CAMTA1: variants seen among roughly 807,000 people sequenced by gnomAD.
CAMTA1 encodes the protein calmodulin binding transcription activator 1.
In CAMTA1, 27 loss-of-function variants were observed where a neutral mutation model predicts 170.9. That is an observed-to-expected ratio of 0.16 (90% CI 0.12 to 0.22). The LOEUF is 0.22. Ranked by LOEUF, CAMTA1 falls within the 10% of genes least tolerant of loss-of-function variation. The probability of loss-of-function intolerance (pLI) is 1.00; values close to 1 mark genes in which losing one functional copy is unlikely to be tolerated. For synonymous variants in CAMTA1, 833 were observed against 891.5 expected, an observed-to-expected ratio of 0.93 and a Z score of 1.17; for missense variants, 1,619 against 2,217.2, an observed-to-expected ratio of 0.73 and a Z score of 5.42.
Position 7,736,459 on chromosome 1 carries a change from A to G in CAMTA1, c.3182A>G (p.Lys1061Arg). ...WAKSKHLIHS[K>R]TFRGMTLLHL... Reference sequence around the variant, plus strand: ...AAGTCCAAGCACTTGATCCACTCAAAGACTTTCCGCGGAATGACCCTACTC... The same window carrying G: ...AAGTCCAAGCACTTGATCCACTCAAGGACTTTCCGCGGAATGACCCTACTC... Residue 1061 changes from lysine to arginine, a missense_variant, in exon 13 of 23, where the codon AAG becomes AGG. Coordinates refer to ENST00000303635, the MANE Select transcript of CAMTA1 (RefSeq NM_015215.4). This position sits in a 1 kb window ranked among gnomAD's most constrained non-coding sequence, Gnocchi z 4.5. 6.2e-7 allele frequency: 1 copy of G among 1,614,118 alleles called. No homozygotes were observed. Among genetic ancestry groups the G allele is most frequent in the African/African-American group, 1.3e-5 (1 of 75,020 alleles).
intron 3 of CAMTA1, among the ~76,000 whole-genome samples, chr1:7,066,176 T>C (rs1303022160): frequency 6.6e-6 from 1 of 152,220 alleles, no homozygotes; most frequent in Non-Finnish European, 1.5e-5. Context: ...CCTTTGATGC[T>C]CTACAAATCG....
chr1:6,981,002 CAGAATTCAGAACT>C (rs1166045300), intron 3 of CAMTA1, among the ~76,000 whole-genome samples: 1 of 151,980 alleles, frequency 6.6e-6, no homozygotes, highest in East Asian at 1.9e-4. Flanking sequence ...AGTTCTGTTA[CAGAATTCAGAACT>C]CTCTGGATTC....
Position 7,680,478 on chromosome 1 carries a change from C to A in CAMTA1, c.2914+2745C>A, listed in dbSNP as rs2096181092. On this transcript the variant is annotated intron_variant, in intron 11 of 22. Transcript: ENST00000303635. This position sits in a 1 kb window ranked among gnomAD's most constrained non-coding sequence, Gnocchi z 4.4. ...CTCTCCCACGCGCGCGCCCTCCCGC[C>A]GACGCGCAGCCGCAATGCGGGGCCC... Among the ~76,000 whole-genome samples the A allele has an allele frequency of 6.6e-6, 1 of 151,064 alleles. No homozygotes were observed. The highest frequency in any genetic ancestry group is 2.4e-5 in the African/African-American group (1 of 41,108).
intron 3 of CAMTA1, among the ~76,000 whole-genome samples, chr1:6,884,291 G>GACACACACAC (rs112571156): frequency 0.014 from 1,868 of 136,614 alleles, 20 homozygotes; most frequent in Admixed American, 0.022. Flanking sequence ...ATTCTCTAGA[G>GACACACACAC]ACACACACAC....
chr1:7,626,916 C>T (rs765715526), intron 6 of CAMTA1, among the ~76,000 whole-genome samples: 1 of 152,154 alleles, frequency 6.6e-6, no homozygotes, highest in Non-Finnish European at 1.5e-5. Context: ...AATTAAAATA[C>T]ATAAAGCATC....
At chr1:7,313,331 C>A (rs893632679) in intron 5 of CAMTA1, among the ~76,000 whole-genome samples, 1 of 152,200 alleles carries the variant, frequency 6.6e-6, no homozygotes, top group Non-Finnish European at 1.5e-5. Context: ...TGAGTCCTGG[C>A]GGTACTCTGC....
intron 4 of CAMTA1, among the ~76,000 whole-genome samples, chr1:7,121,960 G>A (rs1455968750): frequency 6.6e-6 from 1 of 151,920 alleles, no homozygotes; most frequent in Admixed American, 6.6e-5. Context: ...TCTCCTTGGG[G>A]CTCCTATGGC....
chr1:7,410,897 CTGTGTGTGTGTG>C (rs35763888), intron 5 of CAMTA1, among the ~76,000 whole-genome samples: 3 of 141,420 alleles, frequency 2.1e-5, no homozygotes, highest in African/African-American at 5.0e-5. Context: ...GGGTGGGCGT[CTGTGTGTGTGTG>C]TGTGTGTGTG....
Position 6,887,986 on chromosome 1 carries a change from C to T in CAMTA1, c.234+62776C>T. On this transcript the variant is annotated intron_variant, in intron 3 of 22. Transcript: ENST00000303635. This position sits in a 1 kb window ranked among gnomAD's most constrained non-coding sequence, Gnocchi z 4.1. ...CACACGCCTCCTGGTCCAGAGGCCT[C>T]CGTGACCATCCATGATGCCACTCTG... 8.5e-7 allele frequency: 1 copy of T among 1,179,766 alleles called. No homozygotes were observed. 73.1% of individuals were successfully genotyped at this position (1,179,766 alleles called of 1,614,324 possible).
intron 4 of CAMTA1, among the ~76,000 whole-genome samples, chr1:7,228,876 G>A (rs961592028): frequency 6.6e-6 from 1 of 152,158 alleles, no homozygotes; most frequent in African/African-American, 2.4e-5. Context: ...TGACACCAAG[G>A]CCTTAGGGCA....
chr1:7,631,202 C>G, intron 6 of CAMTA1, among the ~76,000 whole-genome samples: 1 of 152,198 alleles, frequency 6.6e-6, no homozygotes, highest in Non-Finnish European at 1.5e-5. Flanking sequence ...ATCCTTGGTC[C>G]TCCCAGCTCC....
At chr1:6,832,035 T>TA (rs1650441763) in intron 3 of CAMTA1, among the ~76,000 whole-genome samples, 1 of 151,922 alleles carries the variant, frequency 6.6e-6, no homozygotes, top group Non-Finnish European at 1.5e-5. Context: ...TAAGAATTAT[T>TA]AAATAATAAT....
At chr1:7,130,167 G>T (rs1356665116) in intron 4 of CAMTA1, among the ~76,000 whole-genome samples, 2 of 152,134 alleles carry the variant, frequency 1.3e-5, no homozygotes, top group African/African-American at 4.8e-5. Flanking sequence ...TTGAACTCCT[G>T]ACATCAAGTG....
At chr1:6,908,424 G>A (rs1177843274) in intron 3 of CAMTA1, among the ~76,000 whole-genome samples, 2 of 152,222 alleles carry the variant, frequency 1.3e-5, no homozygotes, top group African/African-American at 4.8e-5. Flanking sequence ...TGTGAAGCCA[G>A]AATATTCAAG....
At chr1:6,950,807 C>T (rs754723145) in intron 3 of CAMTA1, among the ~76,000 whole-genome samples, 5 of 151,862 alleles carry the variant, frequency 3.3e-5, no homozygotes, top group Non-Finnish European at 7.4e-5. Context: ...CATTAATGAC[C>T]GACAACTACC....
intron 4 of CAMTA1, among the ~76,000 whole-genome samples, chr1:7,153,984 A>G (rs12085411): frequency 0.36 from 55,098 of 152,092 alleles, 10,114 homozygotes; most frequent in African/African-American, 0.4. Context: ...GGGCACAGCC[A>G]TCTCCCTTTG....
At chr1:6,926,482 TTCTTTC>T (rs1349384253) in intron 3 of CAMTA1, among the ~76,000 whole-genome samples, 123 of 129,208 alleles carry the variant, frequency 9.5e-4, no homozygotes, top group Middle Eastern at 8.7e-3. Context: ...CTTTCTTTCT[TTCTTTC>T]TCTCTCTCTT....
intron 6 of CAMTA1, among the ~76,000 whole-genome samples, chr1:7,637,801 G>T (rs1039972347): frequency 1.3e-5 from 2 of 152,104 alleles, no homozygotes; most frequent in African/African-American, 4.8e-5. Context: ...GCCCTACCCT[G>T]CCCAGCCCGC....
chr1:7,252,422 C>T (rs1473183862), intron 5 of CAMTA1, among the ~76,000 whole-genome samples: 2 of 152,250 alleles, frequency 1.3e-5, no homozygotes, highest in Non-Finnish European at 2.9e-5. Flanking sequence ...AAGGCCTTTT[C>T]AGACAAGATC....
Sources: allele counts gnomAD v4.1 joint callset (sites outside exome capture counted in the v4.1 genomes callset), GRCh38; gene constraint gnomAD v4.1.1; non-coding constraint Gnocchi (gnomAD v3.1); transcripts MANE v1.5; gene names NCBI Gene and HGNC (gene_info 2026-07-23, HGNC 2026-07-21).